ANKMY1: variants seen among roughly 807,000 people sequenced by gnomAD.
ANKMY1 encodes ankyrin repeat and MYND domain-containing protein 1.
In ANKMY1, 98 loss-of-function variants were observed where a neutral mutation model predicts 102.0. The ratio of observed to expected loss-of-function variants is 0.96; its 90% CI spans 0.82 to 1.14. ANKMY1 has a LOEUF of 1.14. Ranked by LOEUF, ANKMY1 falls within the 50% of genes most tolerant of loss-of-function variation. The pLI, the probability that ANKMY1 is intolerant of heterozygous loss-of-function variation, is 0.00. For synonymous variants in ANKMY1, 582 were observed against 559.9 expected (o/e 1.04, Z -0.56); for missense variants, 1,330 against 1,347.6 (o/e 0.99, Z 0.20).
chr2:240,500,395 G>A, intron 14 of ANKMY1, 57 bp downstream of exon 14: 2 of 1,526,338 alleles, frequency 1.3e-6, no homozygotes, highest in Non-Finnish European at 1.8e-6. Flanking sequence ...CCCCAGCCGG[G>A]GGCCCTGCAC....
chr2:240,560,015 A>C (rs536684132), upstream of ANKMY1: 1 of 152,506 alleles, frequency 6.6e-6, no homozygotes, highest in Admixed American at 6.5e-5. Context: ...TACAATGCTG[A>C]CCCCAATAAA....
chr2:240,560,879 GC>G, upstream of ANKMY1: 1 of 1,442,358 alleles, frequency 6.9e-7, no homozygotes, highest in Non-Finnish European at 9.2e-7. Context: ...GCGTGGCAGA[GC>G]TGCGCGTGCC....
chr2:240,500,953 C>T (rs558692964), intron 13 of ANKMY1, among the ~76,000 whole-genome samples: 11 of 152,346 alleles, frequency 7.2e-5, no homozygotes, highest in South Asian at 4.1e-4. Flanking sequence ...GATCCCAACA[C>T]GCCAGGGGGC....
At chr2:240,486,093 GAGA>G (rs1282137156) in intron 15 of ANKMY1, among the ~76,000 whole-genome samples, 4 of 152,116 alleles carry the variant, frequency 2.6e-5, no homozygotes, top group African/African-American at 4.8e-5. Context: ...AAGAAGCTGA[GAGA>G]AGGAGAAAAT....
In ANKMY1 at chr2:240,524,252, G is replaced by A. The variant is rs752571196; in HGVS notation, c.1465C>T (p.Leu489=). ...CTGCCTGAGACGCGTGGCAGGAGCA[G>A]TGGTGCTGGCGGTGGCCTCAGCTCA... ...SYELRPPPAP[L]LLPRVSGSHE... Residue 489 remains leucine (L), a synonymous_variant, in exon 8 of 18, where the codon CTG becomes TTG. Coordinates refer to ENST00000401804, the MANE Select transcript of ANKMY1 (RefSeq NM_001282771.3). 4 of 1,613,920 alleles carry A rather than the reference G, an allele frequency of 2.5e-6. No homozygotes were observed. The Admixed American group carries it at 6.7e-5, about 27-fold the overall frequency.
Position 240,499,581 on chromosome 2 carries a change from G to T in ANKMY1, c.2806+377C>A, listed in dbSNP as rs777837521. On this transcript the variant is annotated intron_variant, in intron 15 of 17. Transcript: ENST00000401804. This position sits in a 1 kb window ranked among gnomAD's most constrained non-coding sequence, Gnocchi z 4.2. ...GTGCAGGATGCACCCTGTAGGGAGG[G>T]GTGTGACCATGCAGGGGAGCAGCAC... is the stretch of plus-strand genomic sequence containing the variant. Among the ~76,000 whole-genome samples, 1 of 151,946 alleles carries T rather than the reference G, an allele frequency of 6.6e-6. No individual in the cohort carries two copies. The highest frequency in any genetic ancestry group is 1.5e-5 in the Non-Finnish European group (1 of 67,932).
intron 15 of ANKMY1, among the ~76,000 whole-genome samples, chr2:240,492,666 A>G (rs1421652810): frequency 6.6e-6 from 1 of 151,948 alleles, no homozygotes; most frequent in Non-Finnish European, 1.5e-5. Flanking sequence ...CTTCTATTTC[A>G]GGTCCTTTTA....
At chr2:240,531,527 A>T (rs907979263) in intron 4 of ANKMY1, among the ~76,000 whole-genome samples, 1 of 152,232 alleles carries the variant, frequency 6.6e-6, no homozygotes, top group African/African-American at 2.4e-5. Flanking sequence ...TGTTATATCC[A>T]TGCAATGGAA....
intron 4 of ANKMY1, among the ~76,000 whole-genome samples, chr2:240,542,670 T>C (rs2089235224): frequency 6.6e-6 from 1 of 151,334 alleles, no homozygotes; most frequent in Admixed American, 6.6e-5. Flanking sequence ...GTAAGAGCTA[T>C]TGAATCTTTG....
At chr2:240,519,065 G>A (rs187912650) in intron 9 of ANKMY1, among the ~76,000 whole-genome samples, 7 of 152,336 alleles carry the variant, frequency 4.6e-5, no homozygotes, top group East Asian at 1.9e-4. Context: ...TTACACAACC[G>A]GAGAAGAAAA....
chr2:240,514,721 C>T (rs575234949), intron 9 of ANKMY1, among the ~76,000 whole-genome samples: 1 of 152,356 alleles, frequency 6.6e-6, no homozygotes, highest in Non-Finnish European at 1.5e-5. Context: ...AAAGAAACCC[C>T]TGGACTACTG....
rs1177460983 is a variant in ANKMY1 at position 240,499,955 on chromosome 2, C to T, written c.2806+3G>A. On this transcript the variant is annotated splice_donor_region_variant and intron_variant, in intron 15 of 17. Coordinates refer to ENST00000401804, the MANE Select transcript of ANKMY1 (RefSeq NM_001282771.3). The surrounding 1 kb of genome is among the most constrained non-coding windows in gnomAD (Gnocchi z 4.2). ...GCAGAGCAGAGCAGGGCCCACTGCT[C>T]ACCTCTCTTGCACAGGTACAGCCAC... is the stretch of plus-strand genomic sequence containing the variant. The T allele has an allele frequency of 6.2e-7, 1 of 1,610,728 alleles. No individual in the cohort carries two copies. Among genetic ancestry groups the T allele is most frequent in the Non-Finnish European group, 8.5e-7 (1 of 1,178,444 alleles).
At chr2:240,488,500 G>A (rs1043532518) in intron 15 of ANKMY1, among the ~76,000 whole-genome samples, 3 of 151,968 alleles carry the variant, frequency 2.0e-5, no homozygotes, top group African/African-American at 7.3e-5. Flanking sequence ...TTCTGTTTTC[G>A]TGAAGAATGG....
At chr2:240,517,480 T>C (rs572151118) in intron 9 of ANKMY1, among the ~76,000 whole-genome samples, 1 of 152,228 alleles carries the variant, frequency 6.6e-6, no homozygotes, top group East Asian at 1.9e-4. Flanking sequence ...CCTTGTGAAA[T>C]ATTCCCGCAA....
At chr2:240,498,675 A>C (rs959209984) in intron 15 of ANKMY1, among the ~76,000 whole-genome samples, 26 of 151,952 alleles carry the variant, frequency 1.7e-4, no homozygotes, top group Admixed American at 6.5e-4. Flanking sequence ...TCCCCTCCAA[A>C]TCTCATGTTG....
intron 9 of ANKMY1, among the ~76,000 whole-genome samples, chr2:240,519,014 C>G (rs746880834): frequency 6.6e-6 from 1 of 152,214 alleles, no homozygotes; most frequent in Admixed American, 6.5e-5. Flanking sequence ...CCCATCAACA[C>G]CCTGTGAAGA....
At chr2:240,507,863 T>C (rs2079375834) in intron 12 of ANKMY1, 172 bp from the exon 13 acceptor site, 1 of 697,890 alleles carries the variant, frequency 1.4e-6, no homozygotes, top group Non-Finnish European at 2.2e-6. Flanking sequence ...GCTGCTGGCC[T>C]GTCCCACAGA....
At chr2:240,503,958 A>G (rs2152081374) in intron 13 of ANKMY1, among the ~76,000 whole-genome samples, 1 of 152,286 alleles carries the variant, frequency 6.6e-6, no homozygotes. Context: ...GGTGGCCACC[A>G]AGCCCCCAGA....
chr2:240,529,327 G>C lies in ANKMY1; in HGVS notation c.663C>G (p.Ile221Met). The C allele has an allele frequency of 1.9e-6, 3 of 1,614,194 alleles. No individual in the cohort carries two copies. The highest frequency in any genetic ancestry group is 2.5e-6 in the Non-Finnish European group (3 of 1,180,040). ...SSFITHSPAR[I>M]SLSEEEKTEW... ...CCGTTTTCTCCTCTTCTGAGAGGCT[G>C]ATCCTGGCAGGGCTGTGGGTGATGA... The change falls in exon 5 of 18, where the codon ATC becomes ATG. Residue 221 changes from isoleucine (I) to methionine (M), a missense_variant. Transcript: ENST00000401804. The surrounding 1 kb of genome is among the most constrained non-coding windows in gnomAD (Gnocchi z 4.2).
Sources: gnomAD v4.1 joint callset for allele counts (sites outside exome capture counted in the v4.1 genomes callset) on GRCh38, gnomAD v4.1.1 for gene constraint, Gnocchi (gnomAD v3.1) non-coding constraint, MANE v1.5 for transcripts, NCBI Gene and HGNC (gene_info 2026-07-23, HGNC 2026-07-21) for gene names.